ALPK3: variants seen among roughly 807,000 people sequenced by gnomAD.
ALPK3 encodes the protein alpha kinase 3.
A neutral mutation model predicts 140.0 loss-of-function variants in ALPK3; 102 were observed. The ratio of observed to expected loss-of-function variants is 0.73; its 90% CI spans 0.62 to 0.86. The LOEUF (loss-of-function observed/expected upper bound fraction) is 0.86. ALPK3 is among the 40% of genes least tolerant of loss of function. The probability of loss-of-function intolerance (pLI) is 0.00; values close to 1 mark genes in which losing one functional copy is unlikely to be tolerated. For synonymous variants in ALPK3, 938 were observed against 898.5 expected (o/e 1.04, Z -0.79); for missense variants, 2,254 against 2,208.2 (o/e 1.02, Z -0.42).
At chr15:84,826,070 G>T (rs1171172878) in intron 2 of ALPK3, among the ~76,000 whole-genome samples, 1 of 152,132 alleles carries the variant, frequency 6.6e-6, no homozygotes, top group Non-Finnish European at 1.5e-5. Flanking sequence ...CTCCATGAAT[G>T]CCCAGGTATC....
At position 84,856,710 on chromosome 15, in the gene ALPK3, C is replaced by CAGAAGGGCATGATGACACAG; in HGVS notation, c.1973_1992dup (p.Gly665ArgfsTer4). On this transcript the variant is annotated frameshift_variant, in exon 6 of 14. Transcript: ENST00000258888. LOFTEE classifies it high-confidence loss of function. ...GAGGCCACAGTCAGACAGGAGTGCACAGAAGGGCATGATGACACAGGGAAG... is the reference window on the plus strand; with the variant it reads ...GAGGCCACAGTCAGACAGGAGTGCACAGAAGGGCATGATGACACAGAGAAGGGCATGATGACACAGGGAAG... 1 of 1,613,854 alleles carries CAGAAGGGCATGATGACACAG rather than the reference C, an allele frequency of 6.2e-7. No individual in the cohort carries two copies. The highest frequency in any genetic ancestry group is 8.5e-7 in the Non-Finnish European group (1 of 1,179,992).
rs567408575 is a variant in ALPK3 at position 84,850,914 on chromosome 15, A to C, written c.1654-5478A>C. ...CACACACACACACACACACACACAC[A>C]CCCTCTGTCATAATGTTTAGTTAGA... On this transcript the variant is annotated intron_variant, in intron 5 of 13. Coordinates refer to ENST00000258888, the MANE Select transcript of ALPK3 (RefSeq NM_020778.5). 6.3e-4 allele frequency among the ~76,000 whole-genome samples: 94 copies of C among 149,348 alleles called. 1 individual carries two copies. The highest frequency in any genetic ancestry group is 6.8e-4 in the Non-Finnish European group (46 of 67,668).
chr15:84,864,362 C>A, intron 11 of ALPK3, 80 bp from the exon 12 acceptor site: 1 of 1,432,432 alleles, frequency 7.0e-7, no homozygotes. Flanking sequence ...TCTTTTAGGT[C>A]CAAGAATACA....
At position 84,836,484 on chromosome 15, in the gene ALPK3, C is replaced by G. The variant is rs75313281; in HGVS notation, c.305-2496C>G. ...GGGAATGGCAAGGAGTGATCAGATTCTAGATATATTCTAAGGGAGGGCCAG... is the reference window on the plus strand; with the variant it reads ...GGGAATGGCAAGGAGTGATCAGATTGTAGATATATTCTAAGGGAGGGCCAG... On this transcript the variant is annotated intron_variant, in intron 3 of 13. Transcript: ENST00000258888. 5.9e-5 allele frequency among the ~76,000 whole-genome samples: 9 copies of G among 152,182 alleles called. No individual in the cohort carries two copies. In the East Asian group the frequency reaches 1.5e-3, roughly 26 times the overall value.
chr15:84,837,011 G>T (rs1963603528), intron 3 of ALPK3, among the ~76,000 whole-genome samples: 1 of 152,166 alleles, frequency 6.6e-6, no homozygotes, highest in African/African-American at 2.4e-5. Flanking sequence ...ATGCTGATGG[G>T]TTAGGCAGAT....
At chr15:84,828,539 C>T (rs937508815) in intron 3 of ALPK3, among the ~76,000 whole-genome samples, 2 of 152,132 alleles carry the variant, frequency 1.3e-5, no homozygotes, top group Non-Finnish European at 2.9e-5. Flanking sequence ...CAAGGTCATT[C>T]GTGGTTTCCA....
rs376691515 is a variant in ALPK3, at chr15:84,863,609, C to T, written c.4468C>T (p.Arg1490Trp). The T allele has an allele frequency of 4.3e-5, 69 of 1,613,922 alleles. No individual in the cohort carries two copies. Among genetic ancestry groups the T allele is most frequent in the Non-Finnish European group, 5.1e-5 (60 of 1,179,978 alleles). ...EYCKIFAAEA[R>W]AAPGFGEVPE... The stretch of plus-strand genomic sequence containing the variant: ...CTGCAAAATCTTCGCAGCAGAAGCC[C>T]GGGCCGCGCCTGGCTTTGGGGAGGT... Residue 1490 changes from arginine (R) to tryptophan (W), a missense_variant, in exon 11 of 14, where the codon CGG becomes TGG. Arg to Trp is a moderately radical substitution (Grantham distance 101). Around this residue, in one of 3 missense-constraint regions of ALPK3, gnomAD observed 2,088 missense variants for 2,022.9 expected, o/e 1.03. Transcript: ENST00000258888.
Position 84,868,771 on chromosome 15 carries a change from T to C in ALPK3, c.*315T>C, listed in dbSNP as rs976214830. ...ACTTTGCCACTGCTGGAGGCTCCCC[T>C]GAGTCCTCTGCATGAGTTCTGCACC... On this transcript the variant is annotated 3_prime_UTR_variant, in exon 14 of 14. Transcript: ENST00000258888. 2 of 385,420 alleles carry C rather than the reference T, an allele frequency of 5.2e-6. No homozygotes were observed. Among genetic ancestry groups the C allele is most frequent in the African/African-American group, 4.0e-5 (2 of 49,552 alleles). The allele number at this position is 385,420 out of a possible 1,614,324, so 23.9% of individuals were successfully genotyped here. A position where few individuals can be genotyped will look rare whatever the true frequency, so the allele number is the denominator to read the frequency against.
At chr15:84,842,806 G>T (rs1198102097) in intron 5 of ALPK3, among the ~76,000 whole-genome samples, 1 of 152,184 alleles carries the variant, frequency 6.6e-6, no homozygotes, top group Non-Finnish European at 1.5e-5. Context: ...TCCCCCTCAT[G>T]CCTGGTCTCC....
chr15:84,850,783 C>A (rs1963792787), intron 5 of ALPK3, among the ~76,000 whole-genome samples: 1 of 151,894 alleles, frequency 6.6e-6, no homozygotes, highest in Non-Finnish European at 1.5e-5. Context: ...AGTAAAAAAG[C>A]TTACATAGAG....
At chr15:84,830,021 A>C (rs1337860167) in intron 3 of ALPK3, among the ~76,000 whole-genome samples, 1 of 152,242 alleles carries the variant, frequency 6.6e-6, no homozygotes, top group African/African-American at 2.4e-5. Flanking sequence ...TTATGCCTAT[A>C]CAATATTATT....
chr15:84,823,447 C>T (rs974134614), intron 2 of ALPK3, 79 bp downstream of exon 2: 24 of 1,501,582 alleles, frequency 1.6e-5, no homozygotes, highest in African/African-American at 8.3e-5. Flanking sequence ...AGTGTCTGCT[C>T]GTGCACTAAC....
At position 84,859,848 on chromosome 15, in the gene ALPK3, C is replaced by T. The variant is rs1412543614; in HGVS notation, c.4038C>T (p.Cys1346=). Residue 1346 remains cysteine, a synonymous_variant, in exon 8 of 14, where the codon TGC becomes TGT. Transcript: ENST00000258888. ...ASPVDCGVYR[C]TIHNEHGSAS... ...CCGTAGACTGCGGTGTGTATCGGTG[C>T]ACCATCCACAATGAGCACGGCTCGG... is the stretch of plus-strand genomic sequence containing the variant. 1.2e-6 allele frequency: 2 copies of T among 1,614,078 alleles called. No individual in the cohort carries two copies. Among genetic ancestry groups the T allele is most frequent in the South Asian group, 1.1e-5 (1 of 91,084 alleles).
In ALPK3 at chr15:84,839,790, A is replaced by G; in HGVS notation, c.511A>G (p.Thr171Ala). ...VSCSGVLEVG[T>A]MTEYKIHQRW... ...CTGCTCAGGGGTCCTGGAGGTGGGC[A>G]CCATGACTGAGTACAAGATCCACCA... Residue 171 changes from threonine (T) to alanine (A), a missense_variant, in exon 5 of 14, where the codon ACC (threonine) becomes GCC (alanine). By Grantham distance (58) the Thr-to-Ala change is moderately conservative. This residue lies in a region of ALPK3 where 2,088 missense variants were observed against 2,022.9 expected (regional missense o/e 1.03). Transcript: ENST00000258888. The G allele has an allele frequency of 1.2e-6, 2 of 1,614,158 alleles. No individual in the cohort carries two copies. Among genetic ancestry groups the G allele is most frequent in the Non-Finnish European group, 1.7e-6 (2 of 1,180,038 alleles).
rs1964061307 is a variant in ALPK3, at chr15:84,870,770, G to C, written c.*2314G>C. 1 of 152,178 alleles carries C rather than the reference G, an allele frequency of 6.6e-6. No homozygotes were observed. Among genetic ancestry groups the C allele is most frequent in the African/African-American group, 2.4e-5 (1 of 41,432 alleles). The allele number at this position is 152,178 out of a possible 1,614,324, so 9.4% of individuals were successfully genotyped here. On this transcript the variant is annotated 3_prime_UTR_variant, in exon 14 of 14. Transcript: ENST00000258888. ...GCTCAGGGCTTCATAGAGTGGGAGG[G>C]GGGCAGTCTTCCAAAAGATGCGGAC...
intron 3 of ALPK3, among the ~76,000 whole-genome samples, chr15:84,831,665 G>A (rs1030846023): frequency 6.6e-6 from 1 of 151,914 alleles, no homozygotes; most frequent in Admixed American, 6.6e-5. Context: ...ATTTAATTTT[G>A]TCATTAATCT....
At chr15:84,819,795 T>A (rs1963402846) in intron 1 of ALPK3, among the ~76,000 whole-genome samples, 1 of 152,144 alleles carries the variant, frequency 6.6e-6, no homozygotes, top group Admixed American at 6.5e-5. Context: ...GTCATGGAGC[T>A]CTCCAGGCAT....
rs765189194 is a variant in ALPK3 at position 84,857,173 on chromosome 15, A to AG, written c.2437dup (p.Val813GlyfsTer66). 1.2e-6 allele frequency: 2 copies of AG among 1,613,752 alleles called. No homozygotes were observed. Among genetic ancestry groups the AG allele is most frequent in the Non-Finnish European group, 8.5e-7 (1 of 1,179,874 alleles). ...CCGCCCCATGAGGGGAGTGTGGAGC[A>AG]GGTGGGAGGAGAGAGATGCCGAGGG... On this transcript the variant is annotated frameshift_variant, in exon 6 of 14. Transcript: ENST00000258888. LOFTEE classifies it high-confidence loss of function.
At position 84,862,690 on chromosome 15, in the gene ALPK3, T is replaced by C. The variant is rs781576312; in HGVS notation, c.4185T>C (p.Ser1395=). Residue 1395 remains serine, a synonymous_variant, in exon 10 of 14, where the codon TCT becomes TCC. Coordinates refer to ENST00000258888, the MANE Select transcript of ALPK3 (RefSeq NM_020778.5). ...TGTTTGCTAAGGGTCTGGCTGACTC[T>C]GGCTGCTGGGGGGACAAGCTCTTTG... ...PMVFAKGLAD[S]GCWGDKLFGR... 6.2e-7 allele frequency: 1 copy of C among 1,614,052 alleles called. No individual in the cohort carries two copies. Among genetic ancestry groups the C allele is most frequent in the African/African-American group, 1.3e-5 (1 of 74,932 alleles).
Sources: gnomAD v4.1 joint callset for allele counts (sites outside exome capture counted in the v4.1 genomes callset) on GRCh38, gnomAD v4.1.1 for gene constraint, gnomAD v4.1.1 regional missense constraint, MANE v1.5 for transcripts, NCBI Gene and HGNC (gene_info 2026-07-23, HGNC 2026-07-21) for gene names.